BMPR1A: variants seen among roughly 807,000 people sequenced by gnomAD.
BMPR1A encodes bone morphogenetic protein receptor type 1A.
In BMPR1A, 7 loss-of-function variants were observed where a neutral mutation model predicts 66.0. The observed-to-expected ratio is 0.11, with a 90% CI of 0.06 to 0.20. The LOEUF is 0.20. Ranked by LOEUF, BMPR1A falls within the 10% of genes least tolerant of loss-of-function variation. The pLI is 1.00. For missense variants in BMPR1A, 408 were observed against 669.1 expected (o/e 0.61, Z 4.31); for synonymous variants, 200 against 229.7 (o/e 0.87, Z 1.17).
At chr10:86,912,941 G>GT (rs1843512088) in intron 8 of BMPR1A, among the ~76,000 whole-genome samples, 1 of 151,728 alleles carries the variant, frequency 6.6e-6, no homozygotes, top group African/African-American at 2.4e-5. Flanking sequence ...TGGATTCTTG[G>GT]TATCAGGGAA....
At chr10:86,809,427 C>T (rs1199009729) in intron 1 of BMPR1A, among the ~76,000 whole-genome samples, 1 of 151,742 alleles carries the variant, frequency 6.6e-6, no homozygotes, top group African/African-American at 2.4e-5. Flanking sequence ...GTAGCCGGGA[C>T]TACAGGTGCG....
At chr10:86,820,372 C>CTT (rs373624964) in intron 1 of BMPR1A, among the ~76,000 whole-genome samples, 113 of 142,588 alleles carry the variant, frequency 7.9e-4, no homozygotes, top group Non-Finnish European at 1.2e-3. Flanking sequence ...AAGATGACAT[C>CTT]TTTTTTTTTT....
intron 7 of BMPR1A, among the ~76,000 whole-genome samples, chr10:86,911,543 C>T (rs1388329033): frequency 1.3e-5 from 2 of 152,116 alleles, no homozygotes; most frequent in South Asian, 2.1e-4. Flanking sequence ...CTCAGGAGTT[C>T]GAGACCATCC....
intron 5 of BMPR1A, 89 bp from the exon 6 acceptor site, chr10:86,899,705 A>C: frequency 7.4e-7 from 1 of 1,349,912 alleles, no homozygotes; most frequent in Non-Finnish European, 1.0e-6. Context: ...TCACTCACTG[A>C]AATAGAAATT....
At chr10:86,823,372 A>G (rs1842146931) in intron 1 of BMPR1A, among the ~76,000 whole-genome samples, 1 of 152,196 alleles carries the variant, frequency 6.6e-6, no homozygotes, top group African/African-American at 2.4e-5. Flanking sequence ...TTTGATCCTC[A>G]TTTTACAGAT....
At position 86,784,092 on chromosome 10, in the gene BMPR1A, A is replaced by G. The variant is rs145826100; in HGVS notation, c.-268+27173A>G. On this transcript the variant is annotated intron_variant, in intron 1 of 12. Coordinates refer to ENST00000372037, the MANE Select transcript of BMPR1A (RefSeq NM_004329.3). ...AGATAATTTTACTTCTTCCTTTCCA[A>G]TTTGGATGCCTTTTTTTCTTGCCTC... Among the ~76,000 whole-genome samples, 579 of 152,212 alleles carry G rather than the reference A, an allele frequency of 3.8e-3. 4 individuals are homozygous for G. The highest frequency in any genetic ancestry group is 0.013 in the African/African-American group (547 of 41,530).
intron 1 of BMPR1A, among the ~76,000 whole-genome samples, chr10:86,807,770 G>T (rs1480156971): frequency 1.3e-5 from 2 of 151,250 alleles, no homozygotes; most frequent in Admixed American, 6.6e-5. Flanking sequence ...TATAGTTGTG[G>T]TTTTTTTTCC....
At chr10:86,850,798 G>C (rs1334197456) in intron 2 of BMPR1A, among the ~76,000 whole-genome samples, 3 of 152,046 alleles carry the variant, frequency 2.0e-5, no homozygotes, top group African/African-American at 4.8e-5. Flanking sequence ...ACCACACCTG[G>C]CCTAAAGTTC....
chr10:86,832,538 G>T (rs1842286021), intron 1 of BMPR1A, among the ~76,000 whole-genome samples: 1 of 149,346 alleles, frequency 6.7e-6, no homozygotes. Flanking sequence ...GTAAATTTTT[G>T]TGCTGTGACT....
chr10:86,767,202 TA>T (rs553459265), intron 1 of BMPR1A, among the ~76,000 whole-genome samples: 5 of 152,322 alleles, frequency 3.3e-5, no homozygotes, highest in African/African-American at 1.2e-4. Flanking sequence ...GTTGTATGAA[TA>T]TTAAAAAACA....
intron 5 of BMPR1A, among the ~76,000 whole-genome samples, chr10:86,892,874 A>G (rs1020356875): frequency 6.6e-6 from 1 of 152,046 alleles, no homozygotes; most frequent in Non-Finnish European, 1.5e-5. Context: ...AAAAAAAAAA[A>G]AAAAAAATTC....
At chr10:86,871,880 T>G (rs1842859361) in intron 2 of BMPR1A, among the ~76,000 whole-genome samples, 1 of 152,190 alleles carries the variant, frequency 6.6e-6, no homozygotes, top group African/African-American at 2.4e-5. Flanking sequence ...CTCTCAAACT[T>G]TATTCCTTAT....
chr10:86,838,627 A>G (rs1842384708), intron 1 of BMPR1A, among the ~76,000 whole-genome samples: 1 of 149,124 alleles, frequency 6.7e-6, no homozygotes, highest in Non-Finnish European at 1.5e-5. Context: ...TTAAGATAAC[A>G]TAGGAATTTT....
chr10:86,822,041 TG>T lies in BMPR1A; in HGVS notation c.-267-16822del, dbSNP rs200485539. ...GGTCTCGAACTGCATGTTCCCAGGC[TG>T]GTCTCGAACTCGTGGGCTCAAGCGA... On this transcript the variant is annotated intron_variant, in intron 1 of 12. Transcript: ENST00000372037. 9.6e-4 allele frequency among the ~76,000 whole-genome samples: 146 copies of T among 152,288 alleles called. 2 individuals carry two copies. The East Asian group carries it at 0.021, about 22-fold the overall frequency.
intron 1 of BMPR1A, among the ~76,000 whole-genome samples, chr10:86,777,454 G>A (rs1350766410): frequency 2.0e-5 from 3 of 152,096 alleles, no homozygotes; most frequent in African/African-American, 2.4e-5. Flanking sequence ...GGTGGCATAT[G>A]CCCGTAGTTC....
chr10:86,759,308 T>C (rs1840987437), intron 1 of BMPR1A, among the ~76,000 whole-genome samples: 1 of 152,242 alleles, frequency 6.6e-6, no homozygotes, highest in Non-Finnish European at 1.5e-5. Context: ...TTCAGATCAC[T>C]TTTCTCTATG....
chr10:86,883,378 G>A lies in BMPR1A; in HGVS notation c.68-6684G>A, dbSNP rs540655619. On this transcript the variant is annotated intron_variant, in intron 3 of 12. Transcript: ENST00000372037. Reference sequence around the variant, plus strand: ...ATCCTGGCTAACACGGTGAAACCCCGTCTCTACTACAAATACAAAAAATTA... The same window carrying A: ...ATCCTGGCTAACACGGTGAAACCCCATCTCTACTACAAATACAAAAAATTA... Among the ~76,000 whole-genome samples, 21 of 151,902 alleles carry A rather than the reference G, an allele frequency of 1.4e-4. 1 individual carries two copies. In the South Asian group the frequency reaches 2.5e-3, roughly 18 times the overall value.
intron 2 of BMPR1A, among the ~76,000 whole-genome samples, chr10:86,839,317 A>G (rs1390341870): frequency 6.6e-6 from 1 of 152,164 alleles, no homozygotes; most frequent in Non-Finnish European, 1.5e-5. Context: ...AGCATGCAAG[A>G]TTAGGCCAGG....
intron 1 of BMPR1A, among the ~76,000 whole-genome samples, chr10:86,828,459 C>T (rs1842226111): frequency 6.6e-6 from 1 of 152,206 alleles, no homozygotes; most frequent in Non-Finnish European, 1.5e-5. Context: ...AAAACCACAA[C>T]ACTCTTTTGT....
Sources: gnomAD v4.1 joint callset for allele counts (sites outside exome capture counted in the v4.1 genomes callset) on GRCh38, gnomAD v4.1.1 for gene constraint, MANE v1.5 for transcripts, NCBI Gene and HGNC (gene_info 2026-07-23, HGNC 2026-07-21) for gene names.